JAKMIP1: variants seen among roughly 807,000 people sequenced by gnomAD.
JAKMIP1 encodes janus kinase and microtubule-interacting protein 1.
JAKMIP1 carries 33 observed loss-of-function variants against 113.0 expected under a neutral mutation model. That is an observed-to-expected ratio of 0.29 (90% CI 0.22 to 0.39). The LOEUF (loss-of-function observed/expected upper bound fraction) is 0.39. Ranked by LOEUF, JAKMIP1 falls within the 10% of genes least tolerant of loss-of-function variation. The pLI is 1.00. For missense variants in JAKMIP1, 813 were observed against 1,080.5 expected (o/e 0.75, Z 3.47); for synonymous variants, 480 against 459.9 (o/e 1.04, Z -0.56).
rs1355442442 is a variant in JAKMIP1, at chr4:6,192,149, T to A, written c.-148+8104A>T. ...GGTTTCACCATGTTGGCCAGGCTGG[T>A]CTTGAACTCCTGACCTCAGGTGATC... is the stretch of plus-strand genomic sequence containing the variant. On this transcript the variant is annotated intron_variant, in intron 1 of 20. Transcript: ENST00000409021. The surrounding 1 kb of genome is among the most constrained non-coding windows in gnomAD (Gnocchi z 5.0). Among the ~76,000 whole-genome samples, 1 of 152,058 alleles carries A rather than the reference T, an allele frequency of 6.6e-6. No individual in the cohort carries two copies. The highest frequency in any genetic ancestry group is 6.5e-5 in the Admixed American group (1 of 15,274).
intron 19 of JAKMIP1, among the ~76,000 whole-genome samples, chr4:6,033,950 T>C (rs1370398406): frequency 2.0e-5 from 3 of 152,158 alleles, no homozygotes; most frequent in African/African-American, 4.8e-5. Context: ...GGACTCAGGA[T>C]GGGCCTGGCC....
rs952871661 is a variant in JAKMIP1 at position 6,136,483 on chromosome 4, A to G, written c.-147-23486T>C. ...GGTATCAGTCCAGAGTGATCTATTT[A>G]ATCTCTCAAGGTCCCAAGAGGGAGG... On this transcript the variant is annotated intron_variant, in intron 1 of 20. Coordinates refer to ENST00000409021, the MANE Select transcript of JAKMIP1 (RefSeq NM_001099433.2). This position sits in a 1 kb window ranked among gnomAD's most constrained non-coding sequence, Gnocchi z 5.9. 6.6e-6 allele frequency among the ~76,000 whole-genome samples: 1 copy of G among 152,118 alleles called. No individual in the cohort carries two copies. Among genetic ancestry groups the G allele is most frequent in the Admixed American group, 6.5e-5 (1 of 15,282 alleles).
chr4:6,180,323 A>G lies in JAKMIP1; in HGVS notation c.-148+19930T>C, dbSNP rs761250604. 2.0e-5 allele frequency among the ~76,000 whole-genome samples: 3 copies of G among 152,258 alleles called. No individual in the cohort carries two copies. The highest frequency in any genetic ancestry group is 4.4e-5 in the Non-Finnish European group (3 of 68,044). Reference sequence around the variant, plus strand: ...AATGAGAGTTGTTTATCAACATTCAAGAGAACATAATGAAGCTTCCTTTAG... The same window carrying G: ...AATGAGAGTTGTTTATCAACATTCAGGAGAACATAATGAAGCTTCCTTTAG... On this transcript the variant is annotated intron_variant, in intron 1 of 20. Coordinates refer to ENST00000409021, the MANE Select transcript of JAKMIP1 (RefSeq NM_001099433.2). The surrounding 1 kb of genome is among the most constrained non-coding windows in gnomAD (Gnocchi z 4.5).
At chr4:6,128,525 A>G (rs1287029758) in intron 1 of JAKMIP1, among the ~76,000 whole-genome samples, 1 of 152,004 alleles carries the variant, frequency 6.6e-6, no homozygotes, top group Admixed American at 6.6e-5. Flanking sequence ...TCCCCACAAC[A>G]GGAGACCCAG....
At chr4:6,175,071 C>CT (rs1199111322) in intron 1 of JAKMIP1, among the ~76,000 whole-genome samples, 2 of 152,186 alleles carry the variant, frequency 1.3e-5, no homozygotes, top group African/African-American at 4.8e-5. Flanking sequence ...GGACAAGGCC[C>CT]TTCCTCATCT....
rs1722229295 is a variant in JAKMIP1 at position 6,156,253 on chromosome 4, A to T, written c.-147-43256T>A. Reference sequence around the variant, plus strand: ...TGGCCCGCCAACACAGGAACAAGCGAATGCCACTGTATCACACTGATCCTA... The same window carrying T: ...TGGCCCGCCAACACAGGAACAAGCGTATGCCACTGTATCACACTGATCCTA... On this transcript the variant is annotated intron_variant, in intron 1 of 20. Transcript: ENST00000409021. The surrounding 1 kb of genome is among the most constrained non-coding windows in gnomAD (Gnocchi z 5.0). Among the ~76,000 whole-genome samples, 1 of 152,228 alleles carries T rather than the reference A, an allele frequency of 6.6e-6. No homozygotes were observed. Among genetic ancestry groups the T allele is most frequent in the Admixed American group, 6.5e-5 (1 of 15,278 alleles).
intron 1 of JAKMIP1, among the ~76,000 whole-genome samples, chr4:6,174,434 T>C (rs1725097584): frequency 6.6e-6 from 1 of 152,320 alleles, no homozygotes; most frequent in East Asian, 1.9e-4. Flanking sequence ...AATCCTTGGC[T>C]GATGCCAGAC....
At chr4:6,085,389 C>G in intron 4 of JAKMIP1, 31 bp downstream of exon 4, 1 of 1,602,900 alleles carries the variant, frequency 6.2e-7, no homozygotes, top group Non-Finnish European at 8.5e-7. Flanking sequence ...GGGGGACCAG[C>G]CTGAGGCTGG....
In JAKMIP1 at chr4:6,049,900, T is replaced by G. The variant is rs1448461315; in HGVS notation, c.1909-28A>C. 5.1e-6 allele frequency: 8 copies of G among 1,566,358 alleles called. No homozygotes were observed. Among genetic ancestry groups the G allele is most frequent in the Non-Finnish European group, 7.0e-6 (8 of 1,137,734 alleles). ...GGAAGAGATTTCCAACGTTCATTTT[T>G]GTGTGAGCTACAGAGACCAACCATA... On this transcript the variant is annotated intron_variant, in intron 14 of 20. Transcript: ENST00000409021. The surrounding 1 kb of genome is among the most constrained non-coding windows in gnomAD (Gnocchi z 7.0).
rs1267704411 is a variant in JAKMIP1, at chr4:6,179,747, G to A, written c.-148+20506C>T. On this transcript the variant is annotated intron_variant, in intron 1 of 20. Transcript: ENST00000409021. This position sits in a 1 kb window ranked among gnomAD's most constrained non-coding sequence, Gnocchi z 4.5. ...AAAAGAAGAGACTATTCTATGCCAGGTAGTATGCTGGGTACACCTCATCTC... is the reference window on the plus strand; with the variant it reads ...AAAAGAAGAGACTATTCTATGCCAGATAGTATGCTGGGTACACCTCATCTC... 6.6e-6 allele frequency among the ~76,000 whole-genome samples: 1 copy of A among 152,214 alleles called. No homozygotes were observed. The highest frequency in any genetic ancestry group is 6.5e-5 in the Admixed American group (1 of 15,272).
chr4:6,165,993 C>T (rs140078563), intron 1 of JAKMIP1, among the ~76,000 whole-genome samples: 17 of 152,236 alleles, frequency 1.1e-4, no homozygotes, highest in African/African-American at 3.6e-4. Flanking sequence ...GGTTCGCGGA[C>T]GCATCACTCT....
rs138496814 is a variant in JAKMIP1 at position 6,185,099 on chromosome 4, C to T, written c.-148+15154G>A. 3.5e-4 allele frequency among the ~76,000 whole-genome samples: 54 copies of T among 152,340 alleles called. No homozygotes were observed. Among genetic ancestry groups the T allele is most frequent in the African/African-American group, 1.3e-3 (53 of 41,574 alleles). On this transcript the variant is annotated intron_variant, in intron 1 of 20. Transcript: ENST00000409021. The surrounding 1 kb of genome is among the most constrained non-coding windows in gnomAD (Gnocchi z 5.3). ...GGCCACTGACTGAAGGCTGCACTGT[C>T]AGCTTCCTTACTTTTGAGGTTTTGG...
At chr4:6,174,502 T>C (rs1223206268) in intron 1 of JAKMIP1, among the ~76,000 whole-genome samples, 1 of 152,056 alleles carries the variant, frequency 6.6e-6, no homozygotes, top group Non-Finnish European at 1.5e-5. Flanking sequence ...GGCCCGATGG[T>C]TCCCTCTTGT....
intron 1 of JAKMIP1, among the ~76,000 whole-genome samples, chr4:6,198,897 TA>T (rs1270256323): frequency 6.6e-6 from 1 of 152,220 alleles, no homozygotes; most frequent in African/African-American, 2.4e-5. Flanking sequence ...TACTCTGACT[TA>T]GGGGGGATGG....
At position 6,142,868 on chromosome 4, in the gene JAKMIP1, G is replaced by A. The variant is rs933554187; in HGVS notation, c.-147-29871C>T. Among the ~76,000 whole-genome samples, 1 of 152,204 alleles carries A rather than the reference G, an allele frequency of 6.6e-6. No individual in the cohort carries two copies. The highest frequency in any genetic ancestry group is 6.5e-5 in the Admixed American group (1 of 15,288). ...CAGGTGAGGAAACGGAGGATGGAAA[G>A]GTTTAAGGGACATGGCCGGCAATGA... On this transcript the variant is annotated intron_variant, in intron 1 of 20. Coordinates refer to ENST00000409021, the MANE Select transcript of JAKMIP1 (RefSeq NM_001099433.2). This position sits in a 1 kb window ranked among gnomAD's most constrained non-coding sequence, Gnocchi z 5.5.
chr4:6,176,591 A>T lies in JAKMIP1; in HGVS notation c.-148+23662T>A, dbSNP rs1725365733. ...AATGGGGCAATGGGGTCAGGGAATT[A>T]AGGGCTGGGAGATAACTCCATGTTT... On this transcript the variant is annotated intron_variant, in intron 1 of 20. Coordinates refer to ENST00000409021, the MANE Select transcript of JAKMIP1 (RefSeq NM_001099433.2). This position sits in a 1 kb window ranked among gnomAD's most constrained non-coding sequence, Gnocchi z 5.5. 6.6e-6 allele frequency among the ~76,000 whole-genome samples: 1 copy of T among 152,192 alleles called. No homozygotes were observed. Among genetic ancestry groups the T allele is most frequent in the African/African-American group, 2.4e-5 (1 of 41,442 alleles).
rs941305207 is a variant in JAKMIP1 at position 6,040,224 on chromosome 4, G to A, written c.2175+415C>T. Among the ~76,000 whole-genome samples, 8 of 152,154 alleles carry A rather than the reference G, an allele frequency of 5.3e-5. No homozygotes were observed. The highest frequency in any genetic ancestry group is 1.0e-4 in the Non-Finnish European group (7 of 68,014). On this transcript the variant is annotated intron_variant, in intron 18 of 20. Transcript: ENST00000409021. The surrounding 1 kb of genome is among the most constrained non-coding windows in gnomAD (Gnocchi z 5.8). ...ATCCGACCTTATACCTCGTCCCTTC[G>A]GTTCTGAAAATCACCTGGCTTCATC...
At chr4:6,060,870 G>C (rs569485118) in intron 10 of JAKMIP1, among the ~76,000 whole-genome samples, 3 of 152,256 alleles carry the variant, frequency 2.0e-5, no homozygotes, top group Non-Finnish European at 4.4e-5. Flanking sequence ...AATCCTTACT[G>C]AACCTGAAGC....
chr4:6,072,333 A>T (rs1209271768), intron 8 of JAKMIP1, among the ~76,000 whole-genome samples: 1 of 152,156 alleles, frequency 6.6e-6, no homozygotes, highest in African/African-American at 2.4e-5. Context: ...TAAACTTCTA[A>T]ATTGATTGAG....
Sources: allele counts gnomAD v4.1 joint callset (sites outside exome capture counted in the v4.1 genomes callset), GRCh38; gene constraint gnomAD v4.1.1; non-coding constraint Gnocchi (gnomAD v3.1); transcripts MANE v1.5; gene names NCBI Gene and HGNC (gene_info 2026-07-23, HGNC 2026-07-21).